FRMD4B: variants seen among roughly 807,000 people sequenced by gnomAD.
The protein encoded by FRMD4B is FERM domain containing 4B.
FRMD4B carries 74 observed loss-of-function variants against 141.5 expected under a neutral mutation model. That is an observed-to-expected ratio of 0.52 (90% CI 0.43 to 0.63). The LOEUF (loss-of-function observed/expected upper bound fraction) is 0.63, where lower values mean the gene tolerates loss of function less well. Among genes scored for constraint, FRMD4B ranks in the 30% least tolerant of loss-of-function variants. The pLI, the probability that FRMD4B is intolerant of heterozygous loss-of-function variation, is 0.00. For missense variants in FRMD4B, 1,366 were observed against 1,253.4 expected (o/e 1.09, Z -1.36); for synonymous variants, 506 against 467.9 (o/e 1.08, Z -1.05).
chr3:69,246,056 C>T (rs919567252), intron 7 of FRMD4B, among the ~76,000 whole-genome samples: 8 of 152,022 alleles, frequency 5.3e-5, no homozygotes, highest in African/African-American at 1.2e-4. Flanking sequence ...AGGCTGGTCT[C>T]GAATTCCCGA....
chr3:69,501,899 A>C (rs1273999233), intron 1 of FRMD4B, among the ~76,000 whole-genome samples: 2 of 152,234 alleles, frequency 1.3e-5, no homozygotes, highest in African/African-American at 2.4e-5. Context: ...AGACAAACAG[A>C]GAGCCAAATC....
intron 1 of FRMD4B, among the ~76,000 whole-genome samples, chr3:69,507,356 T>C (rs1706613598): frequency 6.6e-6 from 1 of 152,158 alleles, no homozygotes; most frequent in Non-Finnish European, 1.5e-5. Context: ...CAACCATGCA[T>C]GCACGTATGT....
Position 69,198,759 on chromosome 3 carries a change from G to T in FRMD4B, c.892C>A (p.Gln298Lys). 1 of 1,534,588 alleles carries T rather than the reference G, an allele frequency of 6.5e-7. No individual in the cohort carries two copies. The highest frequency in any genetic ancestry group is 1.9e-5 in the Admixed American group (1 of 53,980). The change falls in exon 12 of 23, where the codon CAG (glutamine) becomes AAG (lysine). Residue 298 changes from glutamine (Q) to lysine (K), a missense_variant. Coordinates refer to ENST00000398540, the MANE Select transcript of FRMD4B (RefSeq NM_015123.3). ...VKPRKLFQWK[Q>K]LENLYFREKK... The stretch of plus-strand genomic sequence containing the variant: ...TCACGGAAATATAAGTTCTCCAGCT[G>T]TTTCCATTGGAATAACTAAAGAAAA...
chr3:69,447,611 G>A (rs1169511600), intron 1 of FRMD4B, among the ~76,000 whole-genome samples: 1 of 152,142 alleles, frequency 6.6e-6, no homozygotes, highest in African/African-American at 2.4e-5. Flanking sequence ...TATATAATGT[G>A]TAGTGATCAA....
chr3:69,377,567 A>C (rs2314982), intron 1 of FRMD4B, among the ~76,000 whole-genome samples: 142,016 of 152,238 alleles, frequency 0.93, 66,240 homozygotes, highest in East Asian at 0.97. Context: ...GAGCAGACAG[A>C]TCTCAAACCC....
chr3:69,307,866 C>T (rs1057303054), intron 3 of FRMD4B, among the ~76,000 whole-genome samples: 4 of 152,168 alleles, frequency 2.6e-5, no homozygotes, highest in African/African-American at 9.7e-5. Context: ...CTGGGTGTGC[C>T]TCCTCCATCT....
At chr3:69,536,425 C>T (rs1428186733) in intron 1 of FRMD4B, 22 of 711,122 alleles carry the variant, frequency 3.1e-5, no homozygotes, top group East Asian at 1.9e-4. Context: ...ATACCTGAAG[C>T]GGAGGACGTC....
At chr3:69,202,479 TAA>T (rs1185152077) in intron 11 of FRMD4B, among the ~76,000 whole-genome samples, 17 of 126,920 alleles carry the variant, frequency 1.3e-4, no homozygotes, top group Non-Finnish European at 1.7e-4. Flanking sequence ...ATTAGAGACT[TAA>T]AAAAAAAAAA....
chr3:69,193,352 T>C (rs759190162), intron 17 of FRMD4B, among the ~76,000 whole-genome samples: 4 of 151,906 alleles, frequency 2.6e-5, no homozygotes, highest in African/African-American at 4.8e-5. Flanking sequence ...CTACCAAAAA[T>C]ACAAAATTAG....
intron 1 of FRMD4B, among the ~76,000 whole-genome samples, chr3:69,321,826 C>T (rs1033466500): frequency 2.0e-5 from 3 of 152,048 alleles, no homozygotes; most frequent in African/African-American, 4.8e-5. Flanking sequence ...GTGATTCTTC[C>T]ACGTCAGCCT....
intron 7 of FRMD4B, among the ~76,000 whole-genome samples, chr3:69,243,169 T>G (rs191499477): frequency 1.3e-5 from 2 of 152,280 alleles, no homozygotes; most frequent in African/African-American, 4.8e-5. Flanking sequence ...AAATTCAGAC[T>G]GTCATCTATT....
At chr3:69,203,401 G>A (rs1278622760) in intron 11 of FRMD4B, among the ~76,000 whole-genome samples, 1 of 151,696 alleles carries the variant, frequency 6.6e-6, no homozygotes, top group Admixed American at 6.6e-5. Flanking sequence ...AGGAGACATG[G>A]TCCTTATATT....
At chr3:69,405,805 AAAG>A (rs1342232078) in intron 2 of FRMD4B, among the ~76,000 whole-genome samples, 1 of 152,218 alleles carries the variant, frequency 6.6e-6, no homozygotes, top group Non-Finnish European at 1.5e-5. Context: ...GTCTGCAGAA[AAAG>A]CCTCCTAGTT....
At chr3:69,484,639 G>A (rs367634452) in intron 1 of FRMD4B, among the ~76,000 whole-genome samples, 6 of 152,168 alleles carry the variant, frequency 3.9e-5, no homozygotes, top group African/African-American at 1.4e-4. Flanking sequence ...TCTACAGCTG[G>A]TGTTCCTGAC....
chr3:69,204,873 T>C (rs979471815), intron 11 of FRMD4B, among the ~76,000 whole-genome samples: 2 of 152,148 alleles, frequency 1.3e-5, no homozygotes, highest in African/African-American at 4.8e-5. Flanking sequence ...AGTCTCACTA[T>C]GCAGAAGAGA....
At position 69,398,826 on chromosome 3, in the gene FRMD4B, C is replaced by A. The variant is rs147209620; in HGVS notation, c.-1+33808G>T. 2.1e-3 allele frequency among the ~76,000 whole-genome samples: 325 copies of A among 152,264 alleles called. 2 individuals are homozygous for A. Among genetic ancestry groups the A allele is most frequent in the African/African-American group, 7.4e-3 (306 of 41,554 alleles). On this transcript the variant is annotated intron_variant, in intron 2 of 5. Transcript: ENST00000459638. ...GTAGCCATTCTGCCCTTTTCCCCTG[C>A]CCAAAGATACAAACTTCCTAGTTTC...
chr3:69,250,208 C>CA, intron 5 of FRMD4B, 109 bp from the exon 6 acceptor site: 1 of 799,438 alleles, frequency 1.3e-6, no homozygotes, highest in South Asian at 1.4e-5. Context: ...AGTTTACGAT[C>CA]AAATGCAGAT....
At chr3:69,415,262 A>C (rs541058926) in intron 2 of FRMD4B, among the ~76,000 whole-genome samples, 2 of 152,320 alleles carry the variant, frequency 1.3e-5, no homozygotes, top group East Asian at 3.9e-4. Context: ...GAGTGAATCC[A>C]TCAAATGGAG....
At chr3:69,183,858 G>A (rs2092736860) in intron 19 of FRMD4B, among the ~76,000 whole-genome samples, 1 of 151,856 alleles carries the variant, frequency 6.6e-6, no homozygotes, top group Admixed American at 6.6e-5. Flanking sequence ...AGTTCATTAG[G>A]AAAACTTTAA....
Sources: allele counts gnomAD v4.1 joint callset (sites outside exome capture counted in the v4.1 genomes callset), GRCh38; gene constraint gnomAD v4.1.1; transcripts MANE v1.5; gene names NCBI Gene and HGNC (gene_info 2026-07-23, HGNC 2026-07-21).